The following CENPF variants were observed in gnomAD, a reference collection of about 807,000 sequenced individuals.
CENPF encodes centromere protein F, also known as AH antigen.
CENPF carries 214 observed loss-of-function variants against 307.3 expected under a neutral mutation model. That is an observed-to-expected ratio of 0.70 (90% confidence interval 0.62 to 0.78). The LOEUF (loss-of-function observed/expected upper bound fraction) is 0.78. Among genes scored for constraint, CENPF ranks in the 30% least tolerant of loss-of-function variants. The pLI is 0.00. For missense variants in CENPF, 3,401 were observed against 3,483.9 expected, an observed-to-expected ratio of 0.98 and a Z score of 0.60; for synonymous variants, 1,259 against 1,270.6, an observed-to-expected ratio of 0.99 and a Z score of 0.19.
At chr1:214,630,425 C>T in intron 8 of CENPF, 109 bp from the exon 9 acceptor site, 3 of 1,334,494 alleles carry the variant, frequency 2.2e-6, no homozygotes, top group Non-Finnish European at 3.1e-6. Context: ...CAGCTCCCTG[C>T]TGTCTCCTGT....
At chr1:214,624,182 A>G (rs1289620137) in intron 7 of CENPF, among the ~76,000 whole-genome samples, 1 of 151,884 alleles carries the variant, frequency 6.6e-6, no homozygotes, top group South Asian at 2.1e-4. Context: ...TTTTTTTGCT[A>G]ATGACTTATT....
chr1:214,635,810 T>C (rs549396086), intron 10 of CENPF, among the ~76,000 whole-genome samples: 9 of 152,300 alleles, frequency 5.9e-5, no homozygotes, highest in Middle Eastern at 3.4e-3. Flanking sequence ...TCTCCAGTTA[T>C]GGACAGACAT....
At chr1:214,627,676 C>G (rs1212028927) in intron 7 of CENPF, among the ~76,000 whole-genome samples, 1 of 152,074 alleles carries the variant, frequency 6.6e-6, no homozygotes, top group Non-Finnish European at 1.5e-5. Flanking sequence ...GCACCCGGCC[C>G]CTCCAGGTTC....
chr1:214,620,010 A>G (rs1657461896), intron 5 of CENPF, among the ~76,000 whole-genome samples: 1 of 152,112 alleles, frequency 6.6e-6, no homozygotes, highest in African/African-American at 2.4e-5. Flanking sequence ...GGAAAATTTG[A>G]GTCTCTAGTA....
At position 214,618,707 on chromosome 1, in the gene CENPF, C is replaced by T. The variant is rs760678885; in HGVS notation, c.481+13C>T. ...CAATATTATAGTGGTAATGCATTTT[C>T]TTCCTTGGTATAGACAGCTTTTTGT... On this transcript the variant is annotated intron_variant, in intron 4 of 19. Transcript: ENST00000366955. The T allele has an allele frequency of 1.7e-5, 28 of 1,610,000 alleles. No individual in the cohort carries two copies. In the East Asian group the frequency reaches 5.8e-4, roughly 33 times the overall value.
Position 214,630,536 on chromosome 1 carries a change from G to C in CENPF, c.1197G>C (p.Glu399Asp). ...IKEKEKEFQEELSRQQRSFQT... is the reference protein window; with the variant it reads ...IKEKEKEFQEDLSRQQRSFQT... ...TGCACCTGCCCTTTGTTTTTCAGGA[G>C]CTCTCCCGTCAACAGCGTTCTTTCC... Residue 399 changes from glutamate to aspartate, a missense_variant and splice_region_variant, in exon 9 of 20, where the codon GAG becomes GAC. By Grantham distance (45) the Glu-to-Asp change is conservative (BLOSUM62 2). Transcript: ENST00000366955. 6.2e-7 allele frequency: 1 copy of C among 1,614,026 alleles called. No homozygotes were observed. The highest frequency in any genetic ancestry group is 8.5e-7 in the Non-Finnish European group (1 of 1,179,962).
chr1:214,608,774 C>A, intron 1 of CENPF: 1 of 1,600,620 alleles, frequency 6.2e-7, no homozygotes, highest in Non-Finnish European at 8.5e-7. Flanking sequence ...AGCTTGGCAG[C>A]GATGCGGCCG....
At chr1:214,626,701 T>A (rs1264027052) in intron 7 of CENPF, among the ~76,000 whole-genome samples, 1 of 152,216 alleles carries the variant, frequency 6.6e-6, no homozygotes, top group African/African-American at 2.4e-5. Context: ...AAAATTGTGT[T>A]AATAATGCCT....
intron 10 of CENPF, among the ~76,000 whole-genome samples, chr1:214,635,795 A>C (rs578258746): frequency 6.6e-6 from 1 of 152,198 alleles, no homozygotes; most frequent in Non-Finnish European, 1.5e-5. Flanking sequence ...CTATTCATTT[A>C]AATGTCTCCA....
Position 214,659,290 on chromosome 1 carries a change from T to C in CENPF, c.9141+262T>C, listed in dbSNP as rs1319385153. ...CATTGTTACATCAAAACTCAGTGGA[T>C]TTCTAAGAAAGTTTCAGGCGTTACT... On this transcript the variant is annotated intron_variant, in intron 19 of 19. Transcript: ENST00000366955. This position sits in a 1 kb window ranked among gnomAD's most constrained non-coding sequence, Gnocchi z 4.4. Among the ~76,000 whole-genome samples, 2 of 152,180 alleles carry C rather than the reference T, an allele frequency of 1.3e-5. No homozygotes were observed. The highest frequency in any genetic ancestry group is 2.9e-5 in the Non-Finnish European group (2 of 68,024).
Position 214,657,053 on chromosome 1 carries a change from T to C in CENPF, c.8606T>C (p.Ile2869Thr). Residue 2869 changes from isoleucine (I) to threonine (T), a missense_variant, in exon 18 of 20, where the codon ATA (isoleucine) becomes ACA (threonine). Coordinates refer to ENST00000366955, the MANE Select transcript of CENPF (RefSeq NM_016343.4). Reference sequence around the variant, plus strand: ...TTGGATAAGTACTGTTCCTTGCTTATAAGCCATGAAAAGTTAGAGAAAGCT... The same window carrying C: ...TTGGATAAGTACTGTTCCTTGCTTACAAGCCATGAAAAGTTAGAGAAAGCT... ...EYLDKYCSLL[I>T]SHEKLEKAKE... The C allele has an allele frequency of 1.9e-6, 3 of 1,614,164 alleles. No individual in the cohort carries two copies. Among genetic ancestry groups the C allele is most frequent in the Non-Finnish European group, 2.5e-6 (3 of 1,180,024 alleles).
At chr1:214,619,281 A>G (rs1356461369) in intron 5 of CENPF, 61 bp downstream of exon 5, 5 of 842,604 alleles carry the variant, frequency 5.9e-6, no homozygotes, top group Non-Finnish European at 7.6e-6. Context: ...GATATAGAAT[A>G]GAACAAGGTT....
chr1:214,641,434 C>A lies in CENPF; in HGVS notation c.3096C>A (p.Thr1032=). 6.4e-7 allele frequency: 1 copy of A among 1,562,104 alleles called. No homozygotes were observed. Among genetic ancestry groups the A allele is most frequent in the South Asian group, 1.2e-5 (1 of 81,484 alleles). ...KLILLQRCEE[T]GNAYEDLSQK... is the part of the protein sequence containing the mutation. ...TTTTACTACAAAGATGTGAAGAAAC[C>A]GGAAATGCATATGAGGATCTTAGTC... Residue 1032 remains threonine (T), a synonymous_variant, in exon 12 of 20, where the codon ACC becomes ACA. Coordinates refer to ENST00000366955, the MANE Select transcript of CENPF (RefSeq NM_016343.4).
chr1:214,604,279 T>C (rs1362261172), intron 1 of CENPF, among the ~76,000 whole-genome samples: 1 of 152,112 alleles, frequency 6.6e-6, no homozygotes, highest in Non-Finnish European at 1.5e-5. Context: ...AGATACAGCA[T>C]TTTCTGGAAA....
chr1:214,625,568 T>C (rs1243801806), intron 7 of CENPF, among the ~76,000 whole-genome samples: 3 of 152,222 alleles, frequency 2.0e-5, no homozygotes, highest in African/African-American at 7.2e-5. Context: ...TTATACTTAA[T>C]GTGATTATTG....
In CENPF at chr1:214,618,509, G is replaced by A. The variant is rs1027274519; in HGVS notation, c.360-64G>A. The A allele has an allele frequency of 2.3e-5, 36 of 1,563,656 alleles. No homozygotes were observed. In the African/African-American group the frequency reaches 4.4e-4, roughly 19 times the overall value. On this transcript the variant is annotated intron_variant, in intron 3 of 19. Coordinates refer to ENST00000366955, the MANE Select transcript of CENPF (RefSeq NM_016343.4). Reference sequence around the variant, plus strand: ...GTTTATTACTCTCTGGGAATGTAAGGCATTGATATTCTGTAGCCTTTGCTC... The same window carrying A: ...GTTTATTACTCTCTGGGAATGTAAGACATTGATATTCTGTAGCCTTTGCTC...
chr1:214,637,203 C>T (rs1432327135), intron 10 of CENPF, among the ~76,000 whole-genome samples: 1 of 152,208 alleles, frequency 6.6e-6, no homozygotes, highest in Non-Finnish European at 1.5e-5. Context: ...ATAGCACACT[C>T]AATGTCTCTT....
At chr1:214,613,042 G>A (rs925934919) in intron 1 of CENPF, 1 of 336,932 alleles carries the variant, frequency 3.0e-6, no homozygotes, top group Non-Finnish European at 5.6e-6. Flanking sequence ...GCTCTTGTAG[G>A]ACAACTTTGA....
At chr1:214,636,951 G>A (rs548867224) in intron 10 of CENPF, among the ~76,000 whole-genome samples, 3 of 152,166 alleles carry the variant, frequency 2.0e-5, no homozygotes, top group South Asian at 2.1e-4. Context: ...TGTTATGTGA[G>A]TCTTATGTGG....
Sources: allele counts gnomAD v4.1 joint callset (sites outside exome capture counted in the v4.1 genomes callset), GRCh38; gene constraint gnomAD v4.1.1; non-coding constraint Gnocchi (gnomAD v3.1); transcripts MANE v1.5; gene names NCBI Gene and HGNC (gene_info 2026-07-23, HGNC 2026-07-21).